Variants in RMDN2 observed in about 807,000 individuals in gnomAD.
RMDN2 encodes the protein regulator of microtubule dynamics protein 2.
A neutral mutation model predicts 52.8 loss-of-function variants in RMDN2; 61 were observed. That is an observed-to-expected ratio of 1.16 (90% CI 0.94 to 1.43). The LOEUF (loss-of-function observed/expected upper bound fraction) is 1.43, where lower values mean the gene tolerates loss of function less well. Among genes scored for constraint, RMDN2 ranks in the 40% most tolerant of loss-of-function variants. RMDN2 has a pLI of 0.00. For synonymous variants in RMDN2, 180 were observed against 153.1 expected (o/e 1.18, Z -1.30); for missense variants, 592 against 475.3 (o/e 1.25, Z -2.28).
At chr2:38,024,872 A>G (rs1010148147) in intron 10 of RMDN2, among the ~76,000 whole-genome samples, 12 of 151,950 alleles carry the variant, frequency 7.9e-5, no homozygotes, top group African/African-American at 2.4e-4. Context: ...TGGACTTTCT[A>G]TTTTGTTCCA....
intron 7 of RMDN2, among the ~76,000 whole-genome samples, chr2:37,992,222 A>G (rs1175705754): frequency 6.6e-6 from 1 of 152,240 alleles, no homozygotes; most frequent in Non-Finnish European, 1.5e-5. Flanking sequence ...AGTCAATGAA[A>G]GAGGCAGCAT....
chr2:37,940,339 T>G (rs930036646), intron 2 of RMDN2, among the ~76,000 whole-genome samples: 2 of 152,208 alleles, frequency 1.3e-5, no homozygotes, highest in African/African-American at 4.8e-5. Flanking sequence ...TCCACCATGG[T>G]GAATCTGACA....
At chr2:38,012,638 C>G in intron 10 of RMDN2, 1 of 466,436 alleles carries the variant, frequency 2.1e-6, no homozygotes, top group Non-Finnish European at 4.4e-6. Flanking sequence ...AATTTTTTTC[C>G]AAGTAGTAAA....
chr2:37,967,936 C>T (rs1336490340), intron 2 of RMDN2, among the ~76,000 whole-genome samples: 1 of 152,194 alleles, frequency 6.6e-6, no homozygotes, highest in African/African-American at 2.4e-5. Flanking sequence ...TGTTCACTTA[C>T]AAAATTGTCT....
chr2:38,040,445 C>T (rs968127486), intron 10 of RMDN2, among the ~76,000 whole-genome samples: 6 of 152,130 alleles, frequency 3.9e-5, no homozygotes, highest in Admixed American at 3.9e-4. Flanking sequence ...AGCAAGCTCC[C>T]TTGTCCCTTC....
intron 2 of RMDN2, among the ~76,000 whole-genome samples, chr2:37,968,337 G>GT (rs899345696): frequency 4.7e-4 from 71 of 151,454 alleles, no homozygotes; most frequent in Middle Eastern, 6.8e-3. Context: ...CAGCTTGGGG[G>GT]GCTGAGGCAG....
chr2:37,933,659 G>T (rs1667044351), intron 2 of RMDN2, among the ~76,000 whole-genome samples: 2 of 152,380 alleles, frequency 1.3e-5, no homozygotes, highest in South Asian at 4.1e-4. Context: ...GCAATGGCAG[G>T]CACTTGGCAG....
At chr2:37,950,627 T>TA (rs1318904977) in intron 2 of RMDN2, 11 of 1,605,650 alleles carry the variant, frequency 6.9e-6, no homozygotes, top group Non-Finnish European at 9.4e-6. Flanking sequence ...CAACATGTGC[T>TA]AAAAGAACAT....
chr2:37,991,175 T>C, intron 6 of RMDN2, 45 bp from the exon 7 acceptor site: 1 of 1,129,028 alleles, frequency 8.9e-7, no homozygotes, highest in Non-Finnish European at 1.3e-6. Flanking sequence ...CAGTCAACAA[T>C]ATCTGAAACT....
chr2:37,977,423 G>C (rs983132339), intron 4 of RMDN2, among the ~76,000 whole-genome samples: 3 of 152,036 alleles, frequency 2.0e-5, no homozygotes, highest in African/African-American at 7.2e-5. Context: ...CGGCCGGGCA[G>C]AGGCGCCCCC....
At chr2:37,925,973 CA>C (rs1308173104) in intron 1 of RMDN2, among the ~76,000 whole-genome samples, 1 of 152,060 alleles carries the variant, frequency 6.6e-6, no homozygotes, top group Admixed American at 6.5e-5. Flanking sequence ...TTATAAAATA[CA>C]AAAAAACCAT....
chr2:37,956,601 C>G (rs1295197216), intron 2 of RMDN2, among the ~76,000 whole-genome samples: 1 of 151,772 alleles, frequency 6.6e-6, no homozygotes, highest in Non-Finnish European at 1.5e-5. Flanking sequence ...TGTCTAGTTT[C>G]TTAATATTTC....
chr2:37,938,832 C>CT (rs1342944565), intron 2 of RMDN2, among the ~76,000 whole-genome samples: 1 of 152,050 alleles, frequency 6.6e-6, no homozygotes, highest in Non-Finnish European at 1.5e-5. Context: ...ATTTTGTAAT[C>CT]TTTTCAAAAC....
At position 38,063,131 on chromosome 2, in the gene RMDN2, C is replaced by T. The variant is rs562813743; in HGVS notation, c.1714-3851C>T. On this transcript the variant is annotated intron_variant, in intron 10 of 10. Coordinates refer to the RMDN2 transcript ENST00000234195. The stretch of plus-strand genomic sequence containing the variant: ...GATTTATAATCCTTTGGGTATATAC[C>T]CAGTAATGGGATTGCTGGGTCAAAT... Among the ~76,000 whole-genome samples, 365 of 152,176 alleles carry T rather than the reference C, an allele frequency of 2.4e-3. 1 individual carries two copies. Among genetic ancestry groups the T allele is most frequent in the Non-Finnish European group, 3.3e-3 (222 of 68,010 alleles).
At chr2:38,009,252 G>C (rs542365384) in intron 10 of RMDN2, among the ~76,000 whole-genome samples, 2 of 152,298 alleles carry the variant, frequency 1.3e-5, no homozygotes, top group East Asian at 3.9e-4. Context: ...ATGTTGGCCT[G>C]CTTTGCTAGA....
chr2:37,986,235 G>C (rs796461222), intron 5 of RMDN2, among the ~76,000 whole-genome samples: 16 of 152,312 alleles, frequency 1.1e-4, no homozygotes, highest in African/African-American at 3.8e-4. Context: ...CAGAATGGCA[G>C]AGGCCATTTC....
At chr2:37,938,943 G>A (rs1244294490) in intron 2 of RMDN2, among the ~76,000 whole-genome samples, 1 of 152,108 alleles carries the variant, frequency 6.6e-6, no homozygotes, top group Non-Finnish European at 1.5e-5. Context: ...GCTAGGTTGT[G>A]AATTTGTTTG....
intron 10 of RMDN2, among the ~76,000 whole-genome samples, chr2:38,065,236 A>G (rs1055022258): frequency 5.9e-5 from 9 of 152,228 alleles, no homozygotes; most frequent in African/African-American, 2.2e-4. Flanking sequence ...TACAGCACTT[A>G]CATAAAGTAA....
chr2:37,982,571 A>G (rs906738090), intron 5 of RMDN2, among the ~76,000 whole-genome samples: 4 of 152,186 alleles, frequency 2.6e-5, no homozygotes, highest in African/African-American at 9.6e-5. Context: ...AGAAGAGTGA[A>G]GGGCTAAATC....
Sources: allele counts gnomAD v4.1 joint callset (sites outside exome capture counted in the v4.1 genomes callset), GRCh38; gene constraint gnomAD v4.1.1; transcripts MANE v1.5; gene names NCBI Gene and HGNC (gene_info 2026-07-23, HGNC 2026-07-21).